Variants in PPP2R2B observed in about 807,000 individuals in gnomAD.
PPP2R2B encodes the protein protein phosphatase 2 regulatory subunit Bbeta.
PPP2R2B carries 5 observed loss-of-function variants against 46.0 expected under a neutral mutation model. The observed-to-expected ratio is 0.11, with a 90% CI of 0.06 to 0.23. The LOEUF is 0.23. PPP2R2B is among the 10% of genes least tolerant of loss of function. The pLI is 1.00. For synonymous variants in PPP2R2B, 215 were observed against 206.7 expected (o/e 1.04, Z -0.34); for missense variants, 367 against 575.0 (o/e 0.64, Z 3.70).
At chr5:146,619,985 A>C (rs1348158685) in intron 7 of PPP2R2B, among the ~76,000 whole-genome samples, 3 of 152,204 alleles carry the variant, frequency 2.0e-5, no homozygotes, top group African/African-American at 2.4e-5. Context: ...TTGGCCCCAC[A>C]GAAAGGCAAC....
chr5:146,880,847 A>G (rs1762142987), upstream of PPP2R2B, among the ~76,000 whole-genome samples: 1 of 152,218 alleles, frequency 6.6e-6, no homozygotes. Flanking sequence ...TTCCTAAGAC[A>G]CATGTTCTGA....
intron 2 of PPP2R2B, among the ~76,000 whole-genome samples, chr5:146,771,158 A>G (rs1310216975): frequency 1.3e-5 from 2 of 152,222 alleles, no homozygotes; most frequent in Non-Finnish European, 2.9e-5. Flanking sequence ...CAAAGCTCCC[A>G]GTGCCAGAAT....
chr5:146,885,154 G>A (rs1470219898), intron 1 of PPP2R2B, among the ~76,000 whole-genome samples: 1 of 152,160 alleles, frequency 6.6e-6, no homozygotes, highest in Admixed American at 6.5e-5. Context: ...TGTGGAAAGG[G>A]TTTTACTTGC....
At chr5:146,962,503 A>C (rs1752217729) in intron 1 of PPP2R2B, among the ~76,000 whole-genome samples, 1 of 151,932 alleles carries the variant, frequency 6.6e-6, no homozygotes, top group East Asian at 1.9e-4. Context: ...CTAAAAATAC[A>C]AAAAGTAGCT....
At chr5:146,733,793 G>T (rs906288571) in intron 2 of PPP2R2B, among the ~76,000 whole-genome samples, 5 of 152,146 alleles carry the variant, frequency 3.3e-5, no homozygotes, top group Admixed American at 1.3e-4. Flanking sequence ...AGCTTACCAG[G>T]ACCCTACTCA....
intron 2 of PPP2R2B, among the ~76,000 whole-genome samples, chr5:146,702,951 T>C (rs895286814): frequency 2.6e-5 from 4 of 152,210 alleles, no homozygotes; most frequent in African/African-American, 9.6e-5. Context: ...TGCCCATGAA[T>C]TGAGAAGAAA....
At chr5:146,972,966 T>C (rs1159719040) in intron 1 of PPP2R2B, among the ~76,000 whole-genome samples, 1 of 152,182 alleles carries the variant, frequency 6.6e-6, no homozygotes, top group Non-Finnish European at 1.5e-5. Context: ...GTTTTTGCCA[T>C]ATAGATTTTA....
chr5:146,711,149 T>A (rs998879880), intron 2 of PPP2R2B, among the ~76,000 whole-genome samples: 1 of 152,238 alleles, frequency 6.6e-6, no homozygotes, highest in East Asian at 1.9e-4. Flanking sequence ...AGTCTCTTCA[T>A]TGTAAACTTC....
chr5:147,055,835 T>C, exon 1 of PPP2R2B: 1 of 1,513,720 alleles, frequency 6.6e-7, no homozygotes, highest in Admixed American at 2.1e-5. Flanking sequence ...ACATCACCAA[T>C]ATGTTTATGT....
intron 2 of PPP2R2B, among the ~76,000 whole-genome samples, chr5:146,723,674 G>T (rs1021259914): frequency 6.6e-6 from 1 of 152,022 alleles, no homozygotes. Context: ...TTTACTGATT[G>T]GCCCAATGGT....
chr5:146,797,456 CTTTCT>C (rs1756609961), intron 2 of PPP2R2B, among the ~76,000 whole-genome samples: 1 of 152,156 alleles, frequency 6.6e-6, no homozygotes, highest in African/African-American at 2.4e-5. Flanking sequence ...AACTTGCCTG[CTTTCT>C]TTTATTTTTA....
At chr5:146,974,550 A>G (rs1314747555) in intron 1 of PPP2R2B, among the ~76,000 whole-genome samples, 3 of 152,172 alleles carry the variant, frequency 2.0e-5, no homozygotes, top group Non-Finnish European at 2.9e-5. Flanking sequence ...TCTTCACTGG[A>G]AGAGCTGAGG....
chr5:146,591,437 G>A (rs1278656823), intron 9 of PPP2R2B, among the ~76,000 whole-genome samples: 1 of 152,132 alleles, frequency 6.6e-6, no homozygotes, highest in African/African-American at 2.4e-5. Flanking sequence ...AGGGCGCTGA[G>A]GGCTTTGCCT....
upstream of PPP2R2B, chr5:146,878,850 C>T: frequency 8.3e-7 from 1 of 1,209,056 alleles, no homozygotes. This position sits in a 1 kb window ranked among gnomAD's most constrained non-coding sequence, Gnocchi z 4.5. Context: ...CAGTGGTGGC[C>T]GAGGCAGAGG....
chr5:147,007,537 G>A (rs1754502981), intron 1 of PPP2R2B, among the ~76,000 whole-genome samples: 3 of 152,138 alleles, frequency 2.0e-5, no homozygotes, highest in South Asian at 4.1e-4. Context: ...CTGGCCACCG[G>A]AGCCAGCAGT....
chr5:146,660,307 T>TA (rs1460077196), intron 5 of PPP2R2B, among the ~76,000 whole-genome samples: 3 of 152,258 alleles, frequency 2.0e-5, no homozygotes, highest in Non-Finnish European at 4.4e-5. Flanking sequence ...TTTTTCATTT[T>TA]AAAAAATATG....
At chr5:146,745,542 C>T (rs1392493175) in intron 2 of PPP2R2B, among the ~76,000 whole-genome samples, 1 of 152,038 alleles carries the variant, frequency 6.6e-6, no homozygotes, top group Non-Finnish European at 1.5e-5. Flanking sequence ...CAGCCTGGCA[C>T]AATTATTAGA....
intron 5 of PPP2R2B, among the ~76,000 whole-genome samples, chr5:146,672,808 G>C (rs1378751103): frequency 1.3e-5 from 2 of 152,042 alleles, no homozygotes; most frequent in African/African-American, 4.8e-5. Context: ...TCTCTCCGAC[G>C]ATTTATTTTT....
intron 1 of PPP2R2B, among the ~76,000 whole-genome samples, chr5:146,895,827 G>A (rs776008534): frequency 4.6e-5 from 7 of 152,110 alleles, no homozygotes; most frequent in Non-Finnish European, 8.8e-5. Flanking sequence ...GAACCACAAA[G>A]TCCATCTCCA....
Sources: gnomAD v4.1 joint callset for allele counts (sites outside exome capture counted in the v4.1 genomes callset) on GRCh38, gnomAD v4.1.1 for gene constraint, Gnocchi (gnomAD v3.1) non-coding constraint, MANE v1.5 for transcripts, NCBI Gene and HGNC (gene_info 2026-07-23, HGNC 2026-07-21) for gene names.